MECOM: variants seen among roughly 807,000 people sequenced by gnomAD.
MECOM encodes the protein histone-lysine N-methyltransferase MECOM.
A neutral mutation model predicts 116.3 loss-of-function variants in MECOM; 13 were observed. The ratio of observed to expected loss-of-function variants is 0.11; its 90% CI spans 0.07 to 0.18. MECOM has a LOEUF of 0.18. MECOM is among the 10% of genes least tolerant of loss of function. MECOM has a pLI of 1.00. For synonymous variants in MECOM, 528 were observed against 535.2 expected, an observed-to-expected ratio of 0.99 and a Z score of 0.19; for missense variants, 1,299 against 1,509.0, an observed-to-expected ratio of 0.86 and a Z score of 2.31.
At chr3:169,628,559 C>G (rs1056288006) in intron 1 of MECOM, among the ~76,000 whole-genome samples, 1 of 152,178 alleles carries the variant, frequency 6.6e-6, no homozygotes, top group Non-Finnish European at 1.5e-5. Context: ...ATAGGAAGCT[C>G]ATGGTGTGGT....
intron 1 of MECOM, among the ~76,000 whole-genome samples, chr3:169,479,221 C>T (rs1055495246): frequency 1.3e-5 from 2 of 151,624 alleles, no homozygotes; most frequent in African/African-American, 4.9e-5. Context: ...GGAAGTGACA[C>T]TTAAGGTGAG....
intron 1 of MECOM, among the ~76,000 whole-genome samples, chr3:169,607,035 C>T (rs1399035172): frequency 6.6e-6 from 1 of 152,126 alleles, no homozygotes; most frequent in Non-Finnish European, 1.5e-5. Context: ...TTTGGAGTCT[C>T]CGCCATTTTA....
At chr3:169,109,216 T>G (rs1206666813) in intron 9 of MECOM, among the ~76,000 whole-genome samples, 1 of 152,192 alleles carries the variant, frequency 6.6e-6, no homozygotes, top group Admixed American at 6.5e-5. Flanking sequence ...TAAATAATTT[T>G]CAATCACATA....
intron 1 of MECOM, among the ~76,000 whole-genome samples, chr3:169,451,555 A>G (rs1578138128): frequency 6.6e-6 from 1 of 152,176 alleles, no homozygotes; most frequent in African/African-American, 2.4e-5. Flanking sequence ...CATGTCATCA[A>G]CTGTGGAAAA....
At chr3:169,308,314 G>C (rs574727272) in intron 2 of MECOM, among the ~76,000 whole-genome samples, 79 of 152,258 alleles carry the variant, frequency 5.2e-4, no homozygotes, top group Non-Finnish European at 8.4e-4. Context: ...TAAACATTGG[G>C]AATGTAATTA....
chr3:169,525,325 G>T (rs1303474972), intron 1 of MECOM, among the ~76,000 whole-genome samples: 1 of 152,166 alleles, frequency 6.6e-6, no homozygotes, highest in African/African-American at 2.4e-5. Context: ...TTAGAGTAAG[G>T]AATCAATTCA....
chr3:169,393,077 A>T (rs1734480041), intron 1 of MECOM, among the ~76,000 whole-genome samples: 1 of 151,954 alleles, frequency 6.6e-6, no homozygotes, highest in African/African-American at 2.4e-5. Context: ...GCTTCACTGA[A>T]AAGGGCCCAG....
intron 2 of MECOM, among the ~76,000 whole-genome samples, chr3:169,155,976 AATTAGT>A (rs1461367459): frequency 2.6e-5 from 4 of 152,166 alleles, no homozygotes; most frequent in African/African-American, 9.7e-5. Flanking sequence ...AGCATTCACT[AATTAGT>A]CATTATTCTT....
At chr3:169,343,749 C>A (rs956484097) in intron 2 of MECOM, among the ~76,000 whole-genome samples, 4 of 152,102 alleles carry the variant, frequency 2.6e-5, no homozygotes, top group Non-Finnish European at 4.4e-5. Flanking sequence ...TGGCGCTCAA[C>A]TCTACAGAAC....
chr3:169,146,513 A>C (rs769093864), intron 2 of MECOM: 1 of 1,379,874 alleles, frequency 7.2e-7, no homozygotes, highest in South Asian at 1.1e-5. Flanking sequence ...ACGTGTCCAG[A>C]CCGCACCGTT....
rs1045265789 is a variant in MECOM, at chr3:169,089,928, T to C, written c.3401+72A>G. ...TGTGATTTATAACTCACAAATTGCTTATCACAGGAGGAATTGCAACCGTAC... is the reference window on the plus strand; with the variant it reads ...TGTGATTTATAACTCACAAATTGCTCATCACAGGAGGAATTGCAACCGTAC... On this transcript the variant is annotated intron_variant, in intron 15 of 16. Coordinates refer to ENST00000651503, the MANE Select transcript of MECOM (RefSeq NM_004991.4). The C allele has an allele frequency of 1.6e-5, 24 of 1,524,132 alleles. No individual in the cohort carries two copies. The South Asian group carries it at 1.6e-4, about 10-fold the overall frequency. The allele number at this position is 1,524,132 out of a possible 1,614,324, so 94.4% of individuals were successfully genotyped here.
intron 7 of MECOM, among the ~76,000 whole-genome samples, chr3:169,117,156 T>C (rs895280473): frequency 2.6e-5 from 4 of 151,912 alleles, no homozygotes; most frequent in Admixed American, 6.6e-5. Context: ...AATTTTAGAG[T>C]ACTTAAAAAT....
intron 1 of MECOM, among the ~76,000 whole-genome samples, chr3:169,444,914 G>A (rs1468044167): frequency 6.6e-6 from 1 of 152,184 alleles, no homozygotes. Flanking sequence ...CTATGTTTTA[G>A]CAAAGAGACT....
At chr3:169,531,782 T>A (rs1194977622) in intron 1 of MECOM, among the ~76,000 whole-genome samples, 1 of 152,204 alleles carries the variant, frequency 6.6e-6, no homozygotes, top group Non-Finnish European at 1.5e-5. Context: ...AAAAATAGCT[T>A]TATTAATCTA....
intron 1 of MECOM, among the ~76,000 whole-genome samples, chr3:169,420,580 G>T (rs17485655): frequency 0.042 from 6,345 of 152,176 alleles, 157 homozygotes; most frequent in East Asian, 0.061. Flanking sequence ...TAGAAATAGG[G>T]AATGGCAGTT....
At chr3:169,258,101 T>C (rs1173948005) in intron 2 of MECOM, among the ~76,000 whole-genome samples, 2 of 152,180 alleles carry the variant, frequency 1.3e-5, no homozygotes, top group East Asian at 1.9e-4. Flanking sequence ...GCTCCTGTAA[T>C]CCCAGCTACT....
At chr3:169,124,706 G>A (rs1732249643) in intron 5 of MECOM, among the ~76,000 whole-genome samples, 1 of 151,974 alleles carries the variant, frequency 6.6e-6, no homozygotes, top group Non-Finnish European at 1.5e-5. Context: ...TGACAAGATT[G>A]GCTTCATGTG....
intron 1 of MECOM, among the ~76,000 whole-genome samples, chr3:169,398,509 C>T (rs1735355382): frequency 6.6e-6 from 1 of 152,150 alleles, no homozygotes; most frequent in Non-Finnish European, 1.5e-5. Flanking sequence ...GTTCTTCAAC[C>T]TTCTTCACAA....
intron 2 of MECOM, among the ~76,000 whole-genome samples, chr3:169,256,916 G>T (rs1211814964): frequency 6.6e-6 from 1 of 152,150 alleles, no homozygotes; most frequent in East Asian, 1.9e-4. Context: ...TTCCGAGAGG[G>T]CAAGATGCTG....
Sources: gnomAD v4.1 joint callset for allele counts (sites outside exome capture counted in the v4.1 genomes callset) on GRCh38, gnomAD v4.1.1 for gene constraint, MANE v1.5 for transcripts, NCBI Gene and HGNC (gene_info 2026-07-23, HGNC 2026-07-21) for gene names.